ASTN2: variants seen among roughly 807,000 people sequenced by gnomAD.
ASTN2 encodes astrotactin-2.
A neutral mutation model predicts 139.8 loss-of-function variants in ASTN2; 54 were observed. That is an observed-to-expected ratio of 0.39 (90% CI 0.31 to 0.48). ASTN2 has a LOEUF of 0.48. Among genes scored for constraint, ASTN2 ranks in the 20% least tolerant of loss-of-function variants. The pLI, the probability that ASTN2 is intolerant of heterozygous loss-of-function variation, is 0.95. For synonymous variants in ASTN2, 756 were observed against 719.5 expected (o/e 1.05, Z -0.81); for missense variants, 1,565 against 1,725.1 (o/e 0.91, Z 1.64).
At position 116,617,324 on chromosome 9, in the gene ASTN2, T is replaced by C. The variant is rs565478686; in HGVS notation, c.3355+1000A>G. Among the ~76,000 whole-genome samples, 26 of 152,240 alleles carry C rather than the reference T, an allele frequency of 1.7e-4. 1 individual carries two copies. In the South Asian group the frequency reaches 5.4e-3, roughly 32 times the overall value. On this transcript the variant is annotated intron_variant, in intron 19 of 22. Coordinates refer to ENST00000313400, the MANE Select transcript of ASTN2 (RefSeq NM_001365068.1). The stretch of plus-strand genomic sequence containing the variant: ...GAAAAAGAAAAGGGAACAATAAAGG[T>C]CCTTTCATTCTTTTATTATTCATTC...
intron 5 of ASTN2, among the ~76,000 whole-genome samples, chr9:117,091,800 G>A (rs2132745713): frequency 6.6e-6 from 1 of 152,226 alleles, no homozygotes; most frequent in East Asian, 1.9e-4. Flanking sequence ...CAAAAGGAAA[G>A]CATTGAAAGC....
At chr9:117,304,564 C>A (rs1207527016) in intron 1 of ASTN2, among the ~76,000 whole-genome samples, 2 of 152,198 alleles carry the variant, frequency 1.3e-5, no homozygotes, top group African/African-American at 2.4e-5. Context: ...TAATCAAAGT[C>A]TCTGTGGCTC....
rs186236317 is a variant in ASTN2 at position 116,991,685 on chromosome 9, C to T, written c.1592-14900G>A. 6.2e-3 allele frequency among the ~76,000 whole-genome samples: 938 copies of T among 152,150 alleles called. 8 individuals carry two copies. Among genetic ancestry groups the T allele is most frequent in the African/African-American group, 0.022 (905 of 41,512 alleles). The stretch of plus-strand genomic sequence containing the variant: ...AGGGGCAGAGTCAGGGGCAGAGCCC[C>T]TGCTCAGCCTCCACCAGTGGTTCCC... On this transcript the variant is annotated intron_variant, in intron 7 of 22. Coordinates refer to ENST00000313400, the MANE Select transcript of ASTN2 (RefSeq NM_001365068.1).
chr9:116,478,599 C>G (rs1299065032), intron 20 of ASTN2, among the ~76,000 whole-genome samples: 1 of 152,174 alleles, frequency 6.6e-6, no homozygotes, highest in Non-Finnish European at 1.5e-5. Context: ...GCAGAAATAT[C>G]TGACCTTAAG....
intron 1 of ASTN2, among the ~76,000 whole-genome samples, chr9:117,294,824 G>A (rs955085264): frequency 1.3e-5 from 2 of 152,068 alleles, no homozygotes; most frequent in African/African-American, 2.4e-5. Context: ...CTTGTCTCAG[G>A]CCATGAGTAC....
chr9:117,237,066 G>A (rs747755144), intron 2 of ASTN2, among the ~76,000 whole-genome samples: 40 of 152,022 alleles, frequency 2.6e-4, no homozygotes, highest in Non-Finnish European at 5.9e-5. Flanking sequence ...CCATTCTTTT[G>A]GCATTTTCTA....
intron 2 of ASTN2, among the ~76,000 whole-genome samples, chr9:117,258,618 C>A (rs147894461): frequency 6.6e-6 from 1 of 152,130 alleles, no homozygotes; most frequent in Non-Finnish European, 1.5e-5. Flanking sequence ...GTGTCTCCAT[C>A]GCCTGCAGGA....
rs144239355 is a variant in ASTN2 at position 116,518,673 on chromosome 9, C to T, written c.3356-31173G>A. Among the ~76,000 whole-genome samples, 106 of 152,204 alleles carry T rather than the reference C, an allele frequency of 7.0e-4. No homozygotes were observed. The East Asian group carries it at 0.017, about 24-fold the overall frequency. The stretch of plus-strand genomic sequence containing the variant: ...TAGAATAGTACATAACATCTTAATG[C>T]TAACATTGAATGTGAGTGGCCTAAA... On this transcript the variant is annotated intron_variant, in intron 19 of 22. Transcript: ENST00000313400.
chr9:116,820,813 A>T (rs1831465765), intron 11 of ASTN2, 30 bp from the exon 12 acceptor site: 2 of 1,594,550 alleles, frequency 1.3e-6, no homozygotes, highest in Non-Finnish European at 1.7e-6. Context: ...CAGGGTAGTT[A>T]TGGCTTGGGA....
intron 4 of ASTN2, among the ~76,000 whole-genome samples, chr9:117,123,817 C>T (rs780249218): frequency 2.0e-5 from 3 of 152,108 alleles, no homozygotes; most frequent in African/African-American, 4.8e-5. Flanking sequence ...TGTTTAAATT[C>T]GGACTTGGAC....
At chr9:117,048,549 TACAAACGGCTGGC>T (rs1451819200) in intron 5 of ASTN2, among the ~76,000 whole-genome samples, 1 of 152,164 alleles carries the variant, frequency 6.6e-6, no homozygotes, top group Non-Finnish European at 1.5e-5. Flanking sequence ...GGAATGGGGC[TACAAACGGCTGGC>T]TATTTGAATT....
intron 4 of ASTN2, among the ~76,000 whole-genome samples, chr9:117,132,137 T>C (rs931519653): frequency 3.3e-5 from 5 of 152,080 alleles, no homozygotes; most frequent in African/African-American, 9.7e-5. Context: ...TGAAGCAGAA[T>C]GATGATGTGT....
intron 4 of ASTN2, among the ~76,000 whole-genome samples, chr9:117,105,638 G>T (rs1328976550): frequency 6.6e-6 from 1 of 151,684 alleles, no homozygotes; most frequent in Non-Finnish European, 1.5e-5. Flanking sequence ...TGCAACCATA[G>T]GTAAACAGAA....
At chr9:116,502,076 G>C (rs1415281809) in intron 19 of ASTN2, among the ~76,000 whole-genome samples, 1 of 152,088 alleles carries the variant, frequency 6.6e-6, no homozygotes, top group African/African-American at 2.4e-5. Flanking sequence ...CATTTAACCA[G>C]GCTGAGGTGA....
chr9:116,579,492 T>C (rs1853861334), intron 19 of ASTN2, among the ~76,000 whole-genome samples: 1 of 152,198 alleles, frequency 6.6e-6, no homozygotes, highest in Non-Finnish European at 1.5e-5. Context: ...CAACATTTTC[T>C]CTTACCATCT....
At chr9:116,465,682 T>A (rs1398281092) in intron 20 of ASTN2, among the ~76,000 whole-genome samples, 3 of 152,160 alleles carry the variant, frequency 2.0e-5, no homozygotes, top group Admixed American at 2.0e-4. Context: ...TTTGCTTACA[T>A]ATGAAACTAA....
intron 10 of ASTN2, among the ~76,000 whole-genome samples, chr9:116,892,846 A>G (rs1020494149): frequency 6.6e-6 from 1 of 152,180 alleles, no homozygotes; most frequent in Non-Finnish European, 1.5e-5. Context: ...AAGGCACCCA[A>G]TTAAATTTGG....
chr9:117,236,513 C>T (rs1833049785), intron 2 of ASTN2, among the ~76,000 whole-genome samples: 1 of 152,182 alleles, frequency 6.6e-6, no homozygotes, highest in South Asian at 2.1e-4. Context: ...TGTAGGACCC[C>T]AGGGGCTGGC....
intron 5 of ASTN2, among the ~76,000 whole-genome samples, chr9:117,095,639 A>G (rs1371564999): frequency 2.6e-5 from 4 of 152,148 alleles, no homozygotes; most frequent in African/African-American, 9.7e-5. Flanking sequence ...GGAATTTCTT[A>G]CTTAAATTGC....
Sources: allele counts gnomAD v4.1 joint callset (sites outside exome capture counted in the v4.1 genomes callset), GRCh38; gene constraint gnomAD v4.1.1; transcripts MANE v1.5; gene names NCBI Gene and HGNC (gene_info 2026-07-23, HGNC 2026-07-21).